The following NAALAD2 variants were observed in gnomAD, a reference collection of about 807,000 sequenced individuals.
The protein encoded by NAALAD2 is N-acetylated alpha-linked acidic dipeptidase 2, also known as N-acetylated-alpha-linked acidic dipeptidase 2.
In NAALAD2, 89 loss-of-function variants were observed where a neutral mutation model predicts 95.6. The ratio of observed to expected loss-of-function variants is 0.93; its 90% CI spans 0.78 to 1.11. The LOEUF (loss-of-function observed/expected upper bound fraction) is 1.11, where lower values mean the gene tolerates loss of function less well. Among genes scored for constraint, NAALAD2 ranks in the 50% least tolerant of loss-of-function variants. The probability of loss-of-function intolerance (pLI) is 0.00; values close to 1 mark genes in which losing one functional copy is unlikely to be tolerated. For synonymous variants in NAALAD2, 264 were observed against 294.4 expected (o/e 0.90, Z 1.06); for missense variants, 894 against 872.4 (o/e 1.02, Z -0.31).
At chr11:90,184,204 C>A (rs1178242959) in intron 18 of NAALAD2, among the ~76,000 whole-genome samples, 1 of 152,082 alleles carries the variant, frequency 6.6e-6, no homozygotes, top group African/African-American at 2.4e-5. Context: ...TGTTACCTTT[C>A]TTATAAATGT....
intron 17 of NAALAD2, 129 bp from the exon 18 acceptor site, chr11:90,182,787 A>T: frequency 1.6e-6 from 1 of 613,774 alleles, no homozygotes; most frequent in Non-Finnish European, 2.9e-6. Context: ...TTACTGTGTT[A>T]ATATTCATTT....
intron 6 of NAALAD2, among the ~76,000 whole-genome samples, chr11:90,154,816 A>G (rs559240272): frequency 6.8e-6 from 1 of 147,214 alleles, no homozygotes; most frequent in Non-Finnish European, 1.5e-5. Context: ...TATGTAATAT[A>G]TGTAATATGT....
At chr11:90,149,359 T>C (rs1951829852) in intron 4 of NAALAD2, among the ~76,000 whole-genome samples, 2 of 152,188 alleles carry the variant, frequency 1.3e-5, no homozygotes, top group African/African-American at 4.8e-5. Flanking sequence ...GTTGCCACTC[T>C]CTGAAATAAC....
intron 16 of NAALAD2, among the ~76,000 whole-genome samples, chr11:90,181,025 A>T (rs560277540): frequency 6.6e-6 from 1 of 152,210 alleles, no homozygotes; most frequent in African/African-American, 2.4e-5. Flanking sequence ...GAATATGGTT[A>T]TCTGCAGGGG....
intron 18 of NAALAD2, among the ~76,000 whole-genome samples, chr11:90,186,348 A>G (rs1340774226): frequency 6.6e-6 from 1 of 152,126 alleles, no homozygotes; most frequent in Non-Finnish European, 1.5e-5. Flanking sequence ...TCCCTACAAA[A>G]GACATGAACT....
At chr11:90,139,792 T>G (rs1417449575) in intron 2 of NAALAD2, among the ~76,000 whole-genome samples, 1 of 152,060 alleles carries the variant, frequency 6.6e-6, no homozygotes, top group Non-Finnish European at 1.5e-5. Context: ...AAAGGTAATT[T>G]GCAAAAGAAC....
rs1951816273 is a variant in NAALAD2 at position 90,148,839 on chromosome 11, A to T, written c.382-167A>T. Among the ~76,000 whole-genome samples the T allele has an allele frequency of 5.9e-5, 9 of 152,200 alleles. 1 individual carries two copies. In the South Asian group the frequency reaches 1.9e-3, roughly 32 times the overall value. ...TATAAAAGTTTCTATTGTTAGGAAG[A>T]CAATAATAATGATAAGGCTCTTTCT... On this transcript the variant is annotated intron_variant, in intron 3 of 18. Transcript: ENST00000534061.
upstream of NAALAD2, chr11:90,132,244 A>C (rs1010986625): frequency 5.9e-5 from 9 of 152,606 alleles, no homozygotes; most frequent in Non-Finnish European, 1.0e-4. Context: ...TCTAATTTTA[A>C]TTTAGGGAGA....
At chr11:90,144,012 G>A (rs561884408) in intron 2 of NAALAD2, among the ~76,000 whole-genome samples, 3 of 152,248 alleles carry the variant, frequency 2.0e-5, no homozygotes, top group Admixed American at 1.3e-4. Context: ...TATTATCAAG[G>A]CACATCAGAT....
intron 2 of NAALAD2, among the ~76,000 whole-genome samples, chr11:90,142,142 T>C (rs535082209): frequency 4.6e-5 from 7 of 152,294 alleles, no homozygotes; most frequent in African/African-American, 1.4e-4. Context: ...AAGCGCTTTT[T>C]CTGTATCAAT....
At chr11:90,183,848 A>G (rs940162558) in intron 18 of NAALAD2, among the ~76,000 whole-genome samples, 1 of 152,128 alleles carries the variant, frequency 6.6e-6, no homozygotes, top group Admixed American at 6.6e-5. Context: ...TTGACTTGTG[A>G]TATTTTCAGT....
chr11:90,153,642 G>C (rs541025143), intron 6 of NAALAD2, among the ~76,000 whole-genome samples: 2 of 152,170 alleles, frequency 1.3e-5, no homozygotes, highest in African/African-American at 4.8e-5. Flanking sequence ...AATTTGGGGA[G>C]AATTGGCAAT....
intron 6 of NAALAD2, among the ~76,000 whole-genome samples, chr11:90,157,437 G>A (rs1160724949): frequency 6.6e-6 from 1 of 151,940 alleles, no homozygotes; most frequent in African/African-American, 2.4e-5. Flanking sequence ...TGAATAAGAT[G>A]TTTCTCATTT....
At chr11:90,146,434 C>A (rs536304000) in intron 2 of NAALAD2, among the ~76,000 whole-genome samples, 2 of 132,074 alleles carry the variant, frequency 1.5e-5, no homozygotes, top group South Asian at 5.0e-4. Context: ...TCTCGGCTCA[C>A]TGCAACCTCC....
intron 8 of NAALAD2, among the ~76,000 whole-genome samples, chr11:90,159,908 C>T (rs1182998504): frequency 1.8e-5 from 2 of 109,340 alleles, no homozygotes; most frequent in Non-Finnish European, 3.9e-5. Flanking sequence ...GAGCTGAGAT[C>T]GCGCCATTGC....
chr11:90,158,299 T>C (rs779281359), intron 7 of NAALAD2, 61 bp downstream of exon 7: 6 of 1,233,800 alleles, frequency 4.9e-6, no homozygotes, highest in East Asian at 2.3e-5. Flanking sequence ...TATTTTCTCA[T>C]TGAAAACCAA....
At chr11:90,165,113 C>A (rs1279714070) in intron 11 of NAALAD2, among the ~76,000 whole-genome samples, 1 of 152,142 alleles carries the variant, frequency 6.6e-6, no homozygotes, top group Non-Finnish European at 1.5e-5. Context: ...GAATAATGGT[C>A]TTCATCTCCA....
At chr11:90,178,148 TCTTTAAGTTAGAG>T in intron 16 of NAALAD2, 31 bp downstream of exon 16, 3 of 1,579,570 alleles carry the variant, frequency 1.9e-6, no homozygotes, top group Non-Finnish European at 2.6e-6. Flanking sequence ...TATTTTACAG[TCTTTAAGTTAGAG>T]CTTTAAGATA....
At position 90,147,527 on chromosome 11, in the gene NAALAD2, T is replaced by G. The variant is rs1307061847; in HGVS notation, c.381+11T>G. ...GAACATGAAACTGAGGTATGTGAAA[T>G]TGTTGGTACTTTTTATATTTTGCAA... is the stretch of plus-strand genomic sequence containing the variant. On this transcript the variant is annotated intron_variant, in intron 3 of 18. Coordinates refer to ENST00000534061, the MANE Select transcript of NAALAD2 (RefSeq NM_005467.4). 6.3e-7 allele frequency: 1 copy of G among 1,588,458 alleles called. No individual in the cohort carries two copies. Among genetic ancestry groups the G allele is most frequent in the Admixed American group, 1.8e-5 (1 of 55,106 alleles).
Sources: gnomAD v4.1 joint callset for allele counts (sites outside exome capture counted in the v4.1 genomes callset) on GRCh38, gnomAD v4.1.1 for gene constraint, MANE v1.5 for transcripts, NCBI Gene and HGNC (gene_info 2026-07-23, HGNC 2026-07-21) for gene names.